Variants in FAM193A observed in about 807,000 individuals in gnomAD.
The protein encoded by FAM193A is protein FAM193A.
A neutral mutation model predicts 126.5 loss-of-function variants in FAM193A; 22 were observed. The ratio of observed to expected loss-of-function variants is 0.17; its 90% CI spans 0.12 to 0.25. The LOEUF (loss-of-function observed/expected upper bound fraction) is 0.25. Ranked by LOEUF, FAM193A falls within the 10% of genes least tolerant of loss-of-function variation. FAM193A has a pLI of 1.00. For synonymous variants in FAM193A, 761 were observed against 646.8 expected (o/e 1.18, Z -2.68); for missense variants, 1,675 against 1,672.8 (o/e 1.00, Z -0.02).
intron 2 of FAM193A, among the ~76,000 whole-genome samples, chr4:2,597,300 A>C (rs761616703): frequency 1.3e-5 from 2 of 151,848 alleles, no homozygotes; most frequent in Non-Finnish European, 2.9e-5. Flanking sequence ...TAGAATATAA[A>C]CTCTACAAAG....
chr4:2,727,944 TTTTA>T (rs1720939465), intron 20 of FAM193A, among the ~76,000 whole-genome samples: 3 of 151,922 alleles, frequency 2.0e-5, no homozygotes, highest in East Asian at 1.9e-4. Flanking sequence ...AAAAAAATTA[TTTTA>T]TTTATTTTTT....
intron 13 of FAM193A, among the ~76,000 whole-genome samples, chr4:2,681,786 C>A (rs1003122278): frequency 6.6e-6 from 1 of 151,976 alleles, no homozygotes; most frequent in Non-Finnish European, 1.5e-5. Context: ...TGATAGAGAT[C>A]TTTCTTGTTT....
At chr4:2,575,602 G>A (rs1739540628) in intron 1 of FAM193A, among the ~76,000 whole-genome samples, 1 of 148,002 alleles carries the variant, frequency 6.8e-6, no homozygotes, top group East Asian at 2.0e-4. Flanking sequence ...GAGTAGCTGG[G>A]ATTACAGGCG....
chr4:2,653,604 C>T (rs1349792908), intron 7 of FAM193A, among the ~76,000 whole-genome samples: 9 of 152,134 alleles, frequency 5.9e-5, no homozygotes, highest in South Asian at 2.1e-4. Context: ...CCACCACGCC[C>T]GGCTAATTTT....
chr4:2,670,864 G>T (rs1180245763), intron 12 of FAM193A, among the ~76,000 whole-genome samples: 3 of 152,062 alleles, frequency 2.0e-5, no homozygotes, highest in Non-Finnish European at 4.4e-5. Context: ...TTCCCTTGAG[G>T]GTCCTTTGTT....
chr4:2,656,233 C>G (rs1181590948), intron 7 of FAM193A, among the ~76,000 whole-genome samples: 1 of 152,280 alleles, frequency 6.6e-6, no homozygotes, highest in Non-Finnish European at 1.5e-5. Context: ...TTTAAATTTT[C>G]TGTCCCATGA....
chr4:2,600,728 T>C (rs1255758870), intron 2 of FAM193A, among the ~76,000 whole-genome samples: 1 of 152,152 alleles, frequency 6.6e-6, no homozygotes, highest in Non-Finnish European at 1.5e-5. Flanking sequence ...CAGGTGCCCA[T>C]CTGTTTTCAT....
At chr4:2,723,467 C>T (rs1171414949) in intron 20 of FAM193A, among the ~76,000 whole-genome samples, 4 of 147,204 alleles carry the variant, frequency 2.7e-5, no homozygotes, top group Admixed American at 1.4e-4. Flanking sequence ...CCCAGCTGCT[C>T]GGGAGGCTGA....
intron 13 of FAM193A, among the ~76,000 whole-genome samples, chr4:2,684,534 C>A (rs769728330): frequency 5.3e-5 from 8 of 151,798 alleles, no homozygotes; most frequent in Non-Finnish European, 1.0e-4. Flanking sequence ...TGTATTATTT[C>A]CTTTTGCGGA....
At chr4:2,627,627 A>G (rs114937278) in intron 4 of FAM193A, among the ~76,000 whole-genome samples, 3,761 of 113,252 alleles carry the variant, frequency 0.033, 187 homozygotes, top group African/African-American at 0.12. Flanking sequence ...GCCCAGGCTG[A>G]TGTGCAGTGG....
At chr4:2,720,691 A>G (rs1323390365) in intron 20 of FAM193A, among the ~76,000 whole-genome samples, 3 of 151,974 alleles carry the variant, frequency 2.0e-5, no homozygotes, top group African/African-American at 4.8e-5. Context: ...TACCCACACC[A>G]CAAATAATTG....
At chr4:2,677,516 G>A (rs369290369) in intron 13 of FAM193A, among the ~76,000 whole-genome samples, 11 of 151,858 alleles carry the variant, frequency 7.2e-5, no homozygotes, top group South Asian at 2.1e-4. Flanking sequence ...TGAGGCGGGC[G>A]GATCACGAGG....
rs1368756784 is a variant in FAM193A, at chr4:2,607,861, A to T, written c.501+11532A>T. 6 of 643,876 alleles carry T rather than the reference A, an allele frequency of 9.3e-6. 1 individual carries two copies. The highest frequency in any genetic ancestry group is 1.1e-5 in the Non-Finnish European group (4 of 378,666). The allele number at this position is 643,876 out of a possible 1,614,324, so 39.9% of individuals were successfully genotyped here. A position where few individuals can be genotyped will look rare whatever the true frequency, so the allele number is the denominator to read the frequency against. On this transcript the variant is annotated intron_variant, in intron 2 of 20. Coordinates refer to ENST00000637812, the MANE Select transcript of FAM193A (RefSeq NM_001366318.2). ...TATATACACTCAGTAGCAGCTCTTT[A>T]TTGGTTGTATGTGTTGCAGATATTG...
intron 7 of FAM193A, among the ~76,000 whole-genome samples, chr4:2,649,122 T>C (rs1324403230): frequency 6.6e-6 from 1 of 152,058 alleles, no homozygotes; most frequent in African/African-American, 2.4e-5. Context: ...ACCTATAATT[T>C]CAGCACTTTG....
At chr4:2,704,764 T>C (rs1190196416) in intron 19 of FAM193A, among the ~76,000 whole-genome samples, 1 of 152,156 alleles carries the variant, frequency 6.6e-6, no homozygotes, top group African/African-American at 2.4e-5. Flanking sequence ...AAGCCCTCAG[T>C]GTAGTTTTCA....
chr4:2,551,234 A>G (rs1040772630), intron 1 of FAM193A, among the ~76,000 whole-genome samples: 1 of 152,238 alleles, frequency 6.6e-6, no homozygotes, highest in Non-Finnish European at 1.5e-5. Flanking sequence ...AATATCCCTT[A>G]TCTCAAATGT....
chr4:2,699,952 C>T lies in FAM193A; in HGVS notation c.3780C>T (p.His1260=). 1 of 1,614,062 alleles carries T rather than the reference C, an allele frequency of 6.2e-7. No homozygotes were observed. The highest frequency in any genetic ancestry group is 8.5e-7 in the Non-Finnish European group (1 of 1,180,028). Residue 1260 remains histidine (H), a synonymous_variant, in exon 19 of 21, where the codon CAC becomes CAT. Coordinates refer to ENST00000637812, the MANE Select transcript of FAM193A (RefSeq NM_001366318.2). ...TESVPNSGNI[H]NGSLEQTEEP... is the part of the protein sequence containing the mutation. ...CTGTTCCTAACTCTGGAAACATCCA[C>T]AATGGCTCACTAGAGCAAACTGAAG...
At chr4:2,584,693 G>A (rs1350427309) in intron 1 of FAM193A, among the ~76,000 whole-genome samples, 2 of 152,244 alleles carry the variant, frequency 1.3e-5, no homozygotes, top group African/African-American at 2.4e-5. Context: ...TTGGGAGGCC[G>A]AGGTGGGCAG....
At chr4:2,536,463 C>A (rs927387382), upstream of FAM193A, among the ~76,000 whole-genome samples, 7 of 151,606 alleles carry the variant, frequency 4.6e-5, no homozygotes, top group African/African-American at 1.7e-4. Flanking sequence ...GCTGCACGGG[C>A]AGCACGGACT....
Sources: gnomAD v4.1 joint callset for allele counts (sites outside exome capture counted in the v4.1 genomes callset) on GRCh38, gnomAD v4.1.1 for gene constraint, MANE v1.5 for transcripts, NCBI Gene and HGNC (gene_info 2026-07-23, HGNC 2026-07-21) for gene names.